TPM4: variants seen among roughly 807,000 people sequenced by gnomAD.
The protein encoded by TPM4 is tropomyosin alpha-4 chain.
TPM4 carries 17 observed loss-of-function variants against 35.8 expected under a neutral mutation model. That is an observed-to-expected ratio of 0.47 (90% CI 0.32 to 0.71). The LOEUF is 0.71. TPM4 is among the 30% of genes least tolerant of loss of function. The pLI, the probability that TPM4 is intolerant of heterozygous loss-of-function variation, is 0.03. For synonymous variants in TPM4, 120 were observed against 122.9 expected (o/e 0.98, Z 0.15); for missense variants, 240 against 320.9 (o/e 0.75, Z 1.93).
rs1355281810 is a variant in TPM4, at chr19:16,093,485, T to G, written c.532-51T>G. ...CCAGGATTCCAGGCATGAGCCACCA[T>G]GCCTGGCTGGGCCTCCTTTTCTTAA... On this transcript the variant is annotated intron_variant, in intron 5 of 7. Coordinates refer to ENST00000643579, the MANE Select transcript of TPM4 (RefSeq NM_003290.3). The G allele has an allele frequency of 1.9e-6, 3 of 1,607,912 alleles. No homozygotes were observed. In the South Asian group the frequency reaches 3.3e-5, roughly 18 times the overall value.
At chr19:16,094,484 C>T (rs2090669705) in intron 7 of TPM4, among the ~76,000 whole-genome samples, 1 of 151,038 alleles carries the variant, frequency 6.6e-6, no homozygotes, top group South Asian at 2.1e-4. Context: ...TGCAGTAAGC[C>T]AAGATCACGC....
At chr19:16,086,370 G>A in intron 2 of TPM4, 53 bp from the exon 3 acceptor site, 2 of 1,461,874 alleles carry the variant, frequency 1.4e-6, no homozygotes, top group Non-Finnish European at 1.9e-6. Context: ...TAGATGAGAG[G>A]TGGGTGGAGG....
At chr19:16,091,473 C>T (rs774115739) in intron 5 of TPM4, among the ~76,000 whole-genome samples, 1 of 152,060 alleles carries the variant, frequency 6.6e-6, no homozygotes, top group Non-Finnish European at 1.5e-5. Context: ...ACCAAGGAGG[C>T]GACATTTAAA....
chr19:16,091,002 C>T (rs1040767549), intron 5 of TPM4, among the ~76,000 whole-genome samples: 1 of 151,932 alleles, frequency 6.6e-6, no homozygotes, highest in Non-Finnish European at 1.5e-5. Context: ...GTATGCCAGA[C>T]ACTGCCCCGG....
chr19:16,084,546 C>T (rs1327026547), intron 2 of TPM4, among the ~76,000 whole-genome samples: 3 of 152,200 alleles, frequency 2.0e-5, no homozygotes, highest in Non-Finnish European at 2.9e-5. Context: ...AGGGAGGCTG[C>T]GAAGGCCAGT....
intron 2 of TPM4, among the ~76,000 whole-genome samples, chr19:16,084,882 G>C (rs997864499): frequency 6.6e-6 from 1 of 152,204 alleles, no homozygotes; most frequent in Non-Finnish European, 1.5e-5. Context: ...TATGGTCTCT[G>C]TGCTGGGTGG....
intron 2 of TPM4, among the ~76,000 whole-genome samples, chr19:16,082,555 G>T (rs777421051): frequency 6.6e-6 from 1 of 152,196 alleles, no homozygotes; most frequent in Non-Finnish European, 1.5e-5. Context: ...ACCATGAAAA[G>T]AAACTTCCGA....
At chr19:16,087,197 G>A (rs754826393) in intron 3 of TPM4, among the ~76,000 whole-genome samples, 4 of 151,968 alleles carry the variant, frequency 2.6e-5, no homozygotes, top group Admixed American at 1.3e-4. Flanking sequence ...CAGGAGGATC[G>A]CTTGAACCTG....
intron 3 of TPM4, 77 bp from the exon 4 acceptor site, chr19:16,087,950 T>TGGGGGCTGTCTGCAGTGGATGGGAGA: frequency 6.7e-7 from 1 of 1,492,612 alleles, no homozygotes; most frequent in South Asian, 1.2e-5. Flanking sequence ...GGGGCATCAT[T>TGGGGGCTGTCTGCAGTGGATGGGAGA]GGGGGCTGTC....
chr19:16,087,923 G>A, intron 3 of TPM4, 104 bp from the exon 4 acceptor site: 1 of 1,197,096 alleles, frequency 8.4e-7, no homozygotes, highest in Non-Finnish European at 1.2e-6. Context: ...TGTTGCAGCT[G>A]GTCTAGGGGT....
chr19:16,093,573 A>G lies in TPM4; in HGVS notation c.569A>G (p.Lys190Arg). 6.2e-7 allele frequency: 1 copy of G among 1,614,128 alleles called. No individual in the cohort carries two copies. Among genetic ancestry groups the G allele is most frequent in the Non-Finnish European group, 8.5e-7 (1 of 1,180,024 alleles). The part of the protein sequence containing the change: ...EKEDKYEEEI[K>R]LLSDKLKEAE... ...GAGGACAAATATGAAGAAGAAATTAAACTTCTGTCTGACAAACTGAAAGAG... is the reference window on the plus strand; with the variant it reads ...GAGGACAAATATGAAGAAGAAATTAGACTTCTGTCTGACAAACTGAAAGAG... Residue 190 changes from lysine (K) to arginine (R), a missense_variant, in exon 6 of 8, where the codon AAA (lysine) becomes AGA (arginine). By Grantham distance (26) the Lys-to-Arg change is conservative. Coordinates refer to ENST00000643579, the MANE Select transcript of TPM4 (RefSeq NM_003290.3).
At chr19:16,097,906 G>A (rs1663484803) in intron 7 of TPM4, among the ~76,000 whole-genome samples, 1 of 151,932 alleles carries the variant, frequency 6.6e-6, no homozygotes, top group Admixed American at 6.6e-5. Context: ...TCCACCCTCA[G>A]CCTCTCCCTG....
At chr19:16,095,515 C>T (rs951775393) in intron 7 of TPM4, 24 of 1,018,134 alleles carry the variant, frequency 2.4e-5, no homozygotes, top group Non-Finnish European at 7.1e-6. Context: ...CCTCTTCATG[C>T]CCCCTCATTC....
intron 1 of TPM4, among the ~76,000 whole-genome samples, chr19:16,080,656 C>CA (rs1205500065): frequency 2.0e-5 from 3 of 152,076 alleles, no homozygotes; most frequent in East Asian, 1.9e-4. Context: ...ACTAAAAATA[C>CA]AAAAAAATAG....
intron 1 of TPM4, chr19:16,081,265 C>G (rs2090478980): frequency 2.5e-6 from 1 of 393,584 alleles, no homozygotes; most frequent in Non-Finnish European, 4.5e-6. Flanking sequence ...AGAGAAGAGC[C>G]TATCTTAGAT....
At chr19:16,073,540 G>T (rs905283026), upstream of TPM4, among the ~76,000 whole-genome samples, 3 of 152,154 alleles carry the variant, frequency 2.0e-5, no homozygotes, top group Non-Finnish European at 4.4e-5. Flanking sequence ...TTTGGAGTCA[G>T]GCTTCCAGGC....
chr19:16,082,200 A>C (rs1172949685), intron 2 of TPM4, among the ~76,000 whole-genome samples, 154 bp downstream of exon 2: 1 of 151,792 alleles, frequency 6.6e-6, no homozygotes, highest in African/African-American at 2.4e-5. Flanking sequence ...GTAAACCATC[A>C]CTCCATGGGT....
intron 7 of TPM4, chr19:16,095,727 C>T (rs1343784132): frequency 8.1e-6 from 3 of 370,190 alleles, no homozygotes; most frequent in Non-Finnish European, 1.1e-5. Flanking sequence ...TGTTAGCTAA[C>T]GGCATCTGCA....
rs2090713339 is a variant in TPM4, at chr19:16,097,304, CGCTCTT to C, written c.664+3553_664+3558del. Among the ~76,000 whole-genome samples, 3 of 140,896 alleles carry C rather than the reference CGCTCTT, an allele frequency of 2.1e-5. No individual in the cohort carries two copies. The Admixed American group carries it at 2.2e-4, about 10-fold the overall frequency. 92.4% of individuals were successfully genotyped at this position (140,896 alleles called of 152,430 possible). A position where few individuals can be genotyped will look rare whatever the true frequency, so the allele number is the denominator to read the frequency against. On this transcript the variant is annotated intron_variant, in intron 7 of 7. Coordinates refer to ENST00000643579, the MANE Select transcript of TPM4 (RefSeq NM_003290.3). ...CTTCTTTCTTTTTGAGACGGAGTTT[CGCTCTT>C]GTTGCCCACGCTGGAGTGCAGTGGC...
Sources: gnomAD v4.1 joint callset for allele counts (sites outside exome capture counted in the v4.1 genomes callset) on GRCh38, gnomAD v4.1.1 for gene constraint, MANE v1.5 for transcripts, NCBI Gene and HGNC (gene_info 2026-07-23, HGNC 2026-07-21) for gene names.